FARS2: variants seen among roughly 807,000 people sequenced by gnomAD.
The protein encoded by FARS2 is phenylalanine--tRNA ligase, mitochondrial.
In FARS2, 40 loss-of-function variants were observed where a neutral mutation model predicts 46.4. The ratio of observed to expected loss-of-function variants is 0.86; its 90% CI spans 0.67 to 1.12. The LOEUF (loss-of-function observed/expected upper bound fraction) is 1.12, where lower values mean the gene tolerates loss of function less well. Ranked by LOEUF, FARS2 falls within the 50% of genes most tolerant of loss-of-function variation. The pLI, the probability that FARS2 is intolerant of heterozygous loss-of-function variation, is 0.00. For synonymous variants in FARS2, 234 were observed against 214.9 expected, an observed-to-expected ratio of 1.09 and a Z score of -0.78; for missense variants, 513 against 567.9, an observed-to-expected ratio of 0.90 and a Z score of 0.98.
chr6:5,478,809 T>C (rs1766277482), intron 4 of FARS2, among the ~76,000 whole-genome samples: 1 of 152,002 alleles, frequency 6.6e-6, no homozygotes, highest in African/African-American at 2.4e-5. Flanking sequence ...GTTCATTCCC[T>C]CTTGGTGGCC....
At chr6:5,695,895 A>C (rs187924057) in intron 6 of FARS2, among the ~76,000 whole-genome samples, 67 of 152,360 alleles carry the variant, frequency 4.4e-4, no homozygotes, top group Non-Finnish European at 7.9e-4. Context: ...CAATTTTTTA[A>C]AACATAACAA....
At chr6:5,332,629 C>T (rs892681128) in intron 1 of FARS2, among the ~76,000 whole-genome samples, 14 of 152,190 alleles carry the variant, frequency 9.2e-5, no homozygotes, top group African/African-American at 3.1e-4. Flanking sequence ...ACTCAGAGAA[C>T]CTTACTGTTA....
chr6:5,469,160 G>A lies in FARS2; in HGVS notation c.904+37988G>A, dbSNP rs1765673525. On this transcript the variant is annotated intron_variant, in intron 4 of 6. Coordinates refer to ENST00000274680, the MANE Select transcript of FARS2 (RefSeq NM_006567.5). Reference sequence around the variant, plus strand: ...TTGCCACTTCCAGCGACTGTTTCTTGGGACCACTTGGTGGCAGGCCCACAG... The same window carrying A: ...TTGCCACTTCCAGCGACTGTTTCTTAGGACCACTTGGTGGCAGGCCCACAG... Among the ~76,000 whole-genome samples the A allele has an allele frequency of 2.0e-5, 3 of 152,278 alleles. No individual in the cohort carries two copies. In the South Asian group the frequency reaches 6.2e-4, roughly 32 times the overall value.
At chr6:5,260,598 TCCCCGGCCCCTGGC>T, upstream of FARS2, 5 of 1,105,560 alleles carry the variant, frequency 4.5e-6, no homozygotes, top group Non-Finnish European at 6.5e-6. Flanking sequence ...GCACCCCCGG[TCCCCGGCCCCTGGC>T]CCCCCGCCCC....
chr6:5,492,745 C>G (rs764913635), intron 4 of FARS2, among the ~76,000 whole-genome samples: 1 of 152,214 alleles, frequency 6.6e-6, no homozygotes, highest in Non-Finnish European at 1.5e-5. Context: ...ATCTCATATT[C>G]CAGGGAGTCC....
intron 2 of FARS2, among the ~76,000 whole-genome samples, chr6:5,389,912 T>A (rs1277060304): frequency 6.6e-6 from 1 of 152,184 alleles, no homozygotes; most frequent in East Asian, 1.9e-4. Flanking sequence ...TCACCCAAGC[T>A]GGAATGCAGT....
At chr6:5,553,351 T>C (rs1026352704) in intron 5 of FARS2, among the ~76,000 whole-genome samples, 3 of 152,218 alleles carry the variant, frequency 2.0e-5, no homozygotes, top group Admixed American at 6.5e-5. Context: ...ACTTCAGCCT[T>C]ACTCTGTGTC....
chr6:5,633,182 T>A (rs556483703), intron 6 of FARS2, among the ~76,000 whole-genome samples: 1 of 151,502 alleles, frequency 6.6e-6, no homozygotes, highest in Non-Finnish European at 1.5e-5. Flanking sequence ...CAGGCTGAAC[T>A]TGAACTCCTG....
At chr6:5,491,650 T>C (rs12211016) in intron 4 of FARS2, among the ~76,000 whole-genome samples, 20,221 of 152,262 alleles carry the variant, frequency 0.13, 1,808 homozygotes, top group Non-Finnish European at 0.19. Context: ...TTCTTCTGCA[T>C]ATGCCATAGC....
chr6:5,255,145 C>T, the FARS2 span, among the ~76,000 whole-genome samples: 5 of 152,168 alleles, frequency 3.3e-5, no homozygotes, highest in Non-Finnish European at 7.3e-5. Context: ...TGATCTCCTC[C>T]CATTTCTTCA....
chr6:5,716,613 A>G (rs1168646292), intron 6 of FARS2, among the ~76,000 whole-genome samples: 1 of 152,224 alleles, frequency 6.6e-6, no homozygotes. Context: ...TGAGGGCTCC[A>G]TCTCACCAGA....
chr6:5,599,541 G>C (rs1774391528), intron 5 of FARS2, among the ~76,000 whole-genome samples: 1 of 152,244 alleles, frequency 6.6e-6, no homozygotes, highest in Non-Finnish European at 1.5e-5. Flanking sequence ...GAAGTTCTCT[G>C]TATTTCTTCT....
chr6:5,459,129 A>T (rs1019840092), intron 4 of FARS2, among the ~76,000 whole-genome samples: 5 of 152,220 alleles, frequency 3.3e-5, no homozygotes, highest in African/African-American at 1.2e-4. Flanking sequence ...GGGAAACATG[A>T]TTCCTCTGAG....
intron 5 of FARS2, among the ~76,000 whole-genome samples, chr6:5,587,163 T>C (rs370483654): frequency 1.3e-5 from 2 of 152,354 alleles, no homozygotes; most frequent in East Asian, 3.9e-4. Flanking sequence ...CTAATTTTCT[T>C]CATCTATAAA....
intron 1 of FARS2, among the ~76,000 whole-genome samples, chr6:5,267,596 C>CA (rs945286863): frequency 2.6e-5 from 4 of 151,330 alleles, no homozygotes; most frequent in African/African-American, 9.7e-5. Context: ...TAAAAAAATA[C>CA]AAAAAAAATT....
chr6:5,763,778 T>G (rs1478062361), intron 6 of FARS2, among the ~76,000 whole-genome samples: 13 of 151,832 alleles, frequency 8.6e-5, no homozygotes, highest in Non-Finnish European at 1.5e-4. Flanking sequence ...GTTTTTTTTT[T>G]TTTTTTTTAA....
chr6:5,549,450 T>G (rs1406634948), intron 5 of FARS2, among the ~76,000 whole-genome samples: 1 of 152,176 alleles, frequency 6.6e-6, no homozygotes, highest in Admixed American at 6.5e-5. Flanking sequence ...TCTGTCCTTG[T>G]GAACTGTCAC....
chr6:5,315,745 T>TCTTTCTTTCTTTCTTTCTTTCTTTCTTC lies in FARS2; in HGVS notation c.-21-52789_-21-52788insCTTTCTTTCTTCCTTTCTTTCTTTCTTT, dbSNP rs1414591456. Reference sequence around the variant, plus strand: ...TTCTTTCTTTCTTTCTTTTTTCCTTTCTTTCTTTCTTTCTTTTTTTTGGGG... The same window carrying TCTTTCTTTCTTTCTTTCTTTCTTTCTTC: ...TTCTTTCTTTCTTTCTTTTTTCCTTTCTTTCTTTCTTTCTTTCTTTCTTTCTTCCTTTCTTTCTTTCTTTTTTTTGGGG... On this transcript the variant is annotated intron_variant, in intron 1 of 6. Transcript: ENST00000274680. 3.7e-4 allele frequency among the ~76,000 whole-genome samples: 55 copies of TCTTTCTTTCTTTCTTTCTTTCTTTCTTC among 150,312 alleles called. 1 individual carries two copies. The highest frequency in any genetic ancestry group is 8.1e-4 in the African/African-American group (33 of 40,532).
At chr6:5,373,521 G>A (rs1370352914) in intron 2 of FARS2, among the ~76,000 whole-genome samples, 1 of 152,116 alleles carries the variant, frequency 6.6e-6, no homozygotes, top group Non-Finnish European at 1.5e-5. Context: ...GGTGTGATCT[G>A]CAGAATGAAA....
Sources: allele counts gnomAD v4.1 joint callset (sites outside exome capture counted in the v4.1 genomes callset), GRCh38; gene constraint gnomAD v4.1.1; transcripts MANE v1.5; gene names NCBI Gene and HGNC (gene_info 2026-07-23, HGNC 2026-07-21).